ECPAS: variants seen among roughly 807,000 people sequenced by gnomAD.
ECPAS encodes proteasome adapter and scaffold protein ECM29.
A neutral mutation model predicts 255.1 loss-of-function variants in ECPAS; 70 were observed. The observed-to-expected ratio is 0.27, with a 90% CI of 0.23 to 0.33. The LOEUF is 0.33. Among genes scored for constraint, ECPAS ranks in the 10% least tolerant of loss-of-function variants. ECPAS has a pLI of 1.00. For synonymous variants in ECPAS, 784 were observed against 775.0 expected (o/e 1.01, Z -0.19); for missense variants, 1,817 against 2,206.4 (o/e 0.82, Z 3.54).
intron 32 of ECPAS, 33 bp downstream of exon 32, chr9:111,386,344 A>T (rs771152124): frequency 7.4e-7 from 1 of 1,359,616 alleles, no homozygotes; most frequent in Non-Finnish European, 1.0e-6. Context: ...ATTCAGTTTT[A>T]TTTGACTAAA....
At chr9:111,462,738 ATTTTTTT>A (rs34375105) in intron 2 of ECPAS, among the ~76,000 whole-genome samples, 1 of 108,264 alleles carries the variant, frequency 9.2e-6, no homozygotes, top group Non-Finnish European at 1.9e-5. Context: ...CATTCATGGA[ATTTTTTT>A]TTTTTTTTTT....
At chr9:111,430,666 T>A in intron 8 of ECPAS, 38 bp from the exon 9 acceptor site, 2 of 1,371,822 alleles carry the variant, frequency 1.5e-6, no homozygotes, top group Non-Finnish European at 2.0e-6. Flanking sequence ...AAAATTATTT[T>A]TCCCCCTCCT....
intron 3 of ECPAS, among the ~76,000 whole-genome samples, chr9:111,450,351 A>C (rs2098258750): frequency 6.6e-6 from 1 of 152,254 alleles, no homozygotes; most frequent in South Asian, 2.1e-4. Flanking sequence ...GATTAACTGC[A>C]GACATGCCAA....
intron 49 of ECPAS, among the ~76,000 whole-genome samples, 163 bp downstream of exon 49, chr9:111,363,425 A>G (rs1395416004): frequency 6.6e-6 from 1 of 152,144 alleles, no homozygotes; most frequent in Non-Finnish European, 1.5e-5. Context: ...ATTTAGTAAA[A>G]TTTAATAGTT....
At chr9:111,459,087 T>C (rs2098270261) in intron 2 of ECPAS, among the ~76,000 whole-genome samples, 1 of 152,188 alleles carries the variant, frequency 6.6e-6, no homozygotes, top group African/African-American at 2.4e-5. Context: ...TGGAGGGCTA[T>C]GCCCTTAACT....
At chr9:111,386,299 A>C in intron 32 of ECPAS, 78 bp downstream of exon 32, 2 of 940,256 alleles carry the variant, frequency 2.1e-6, no homozygotes, top group Admixed American at 2.4e-5. Flanking sequence ...CCTTTTGCAC[A>C]AAGTATAAAA....
chr9:111,384,503 T>C lies in ECPAS; in HGVS notation c.3681+19A>G, dbSNP rs368941609. 6 of 1,610,696 alleles carry C rather than the reference T, an allele frequency of 3.7e-6. No homozygotes were observed. Among genetic ancestry groups the C allele is most frequent in the African/African-American group, 2.7e-5 (2 of 74,828 alleles). ...GAACCCTGCTCCACTCCATTCCCAA[T>C]GTAAGACGGGGTTTTCACCTTGCTC... On this transcript the variant is annotated intron_variant, in intron 34 of 49. Transcript: ENST00000684092.
intron 3 of ECPAS, 23 bp from the exon 4 acceptor site, chr9:111,444,517 C>T (rs1230293847): frequency 1.4e-6 from 2 of 1,456,002 alleles, no homozygotes; most frequent in South Asian, 2.3e-5. Context: ...GAGATGGGAA[C>T]TAAAGTTATT....
chr9:111,386,334 A>G, intron 32 of ECPAS, 43 bp downstream of exon 32: 1 of 1,248,026 alleles, frequency 8.0e-7, no homozygotes, highest in Non-Finnish European at 1.2e-6. Context: ...AGGGAAAAAA[A>G]TTCAGTTTTA....
At chr9:111,470,284 G>T (rs2098285460) in intron 2 of ECPAS, among the ~76,000 whole-genome samples, 1 of 151,874 alleles carries the variant, frequency 6.6e-6, no homozygotes, top group African/African-American at 2.4e-5. Flanking sequence ...TCTTTAAACA[G>T]GGAAGAGGAA....
chr9:111,411,092 T>G lies in ECPAS; in HGVS notation c.2265A>C (p.Gly755=), dbSNP rs2098193588. 1 of 1,613,810 alleles carries G rather than the reference T, an allele frequency of 6.2e-7. No homozygotes were observed. Among genetic ancestry groups the G allele is most frequent in the African/African-American group, 1.3e-5 (1 of 74,968 alleles). Residue 755 remains glycine, a synonymous_variant, in exon 22 of 50, where the codon GGA becomes GGC. Transcript: ENST00000684092. ...GSLLALGFTV[G]RYLAKKKMRM... ...TCATTTTCTTTTTAGCCAAATACCT[T>G]CCCACCGTGAATCCCAATGCAAGCA...
chr9:111,390,660 G>A (rs980368580), intron 29 of ECPAS, among the ~76,000 whole-genome samples: 1 of 152,280 alleles, frequency 6.6e-6, no homozygotes, highest in Middle Eastern at 3.4e-3. Context: ...TGTACTGTGG[G>A]GGAACGTCAA....
intron 20 of ECPAS, among the ~76,000 whole-genome samples, chr9:111,413,147 A>G (rs1159512327): frequency 6.6e-6 from 1 of 152,212 alleles, no homozygotes; most frequent in Non-Finnish European, 1.5e-5. Flanking sequence ...ACAAAAACAC[A>G]TGTCCTCTGA....
intron 2 of ECPAS, among the ~76,000 whole-genome samples, chr9:111,469,743 A>T (rs1048457284): frequency 1.3e-5 from 2 of 151,006 alleles, no homozygotes; most frequent in Non-Finnish European, 2.9e-5. Context: ...CGGGAGGTGG[A>T]GCTTGCAGTG....
At chr9:111,484,037 C>T (rs2098311430) in intron 1 of ECPAS, 79 bp downstream of exon 1, 2 of 1,064,842 alleles carry the variant, frequency 1.9e-6, no homozygotes, top group Non-Finnish European at 2.3e-6. Flanking sequence ...CACGCGGCGG[C>T]CTGTGCGGGC....
At chr9:111,437,244 C>A (rs2098239511) in intron 6 of ECPAS, 136 bp from the exon 7 acceptor site, 2 of 728,882 alleles carry the variant, frequency 2.7e-6, no homozygotes, top group African/African-American at 1.8e-5. Flanking sequence ...ATTAAAATTT[C>A]ATCATAAAAA....
At chr9:111,463,785 A>G (rs189331343) in intron 2 of ECPAS, among the ~76,000 whole-genome samples, 45 of 152,232 alleles carry the variant, frequency 3.0e-4, no homozygotes, top group African/African-American at 1.1e-3. Flanking sequence ...AACAGTACCA[A>G]ATGTTGGCAA....
intron 37 of ECPAS, 49 bp from the exon 38 acceptor site, chr9:111,375,251 GACC>G: frequency 7.0e-7 from 1 of 1,420,454 alleles, no homozygotes; most frequent in Non-Finnish European, 9.9e-7. Flanking sequence ...AATAAGTCAG[GACC>G]ACATCTTCAA....
At position 111,444,507 on chromosome 9, in the gene ECPAS, G is replaced by C. The variant is rs758244145; in HGVS notation, c.154-13C>G. 31 of 1,532,392 alleles carry C rather than the reference G, an allele frequency of 2.0e-5. No individual in the cohort carries two copies. The highest frequency in any genetic ancestry group is 1.1e-4 in the South Asian group (10 of 88,196). 94.9% of individuals were successfully genotyped at this position (1,532,392 alleles called of 1,614,324 possible). A position where few individuals can be genotyped will look rare whatever the true frequency, so the allele number is the denominator to read the frequency against. ...GCAGTTCCATTACCTAAAATACAGA[G>C]AGATGGGAACTAAAGTTATTGATCA... On this transcript the variant is annotated splice_polypyrimidine_tract_variant and intron_variant, in intron 3 of 49. Coordinates refer to ENST00000684092, the MANE Select transcript of ECPAS (RefSeq NM_001364929.1).
Sources: allele counts gnomAD v4.1 joint callset (sites outside exome capture counted in the v4.1 genomes callset), GRCh38; gene constraint gnomAD v4.1.1; transcripts MANE v1.5; gene names NCBI Gene and HGNC (gene_info 2026-07-23, HGNC 2026-07-21).